Variants in KLF12 observed in about 807,000 individuals in gnomAD.
KLF12 encodes Krueppel-like factor 12.
A neutral mutation model predicts 37.8 loss-of-function variants in KLF12; 9 were observed. The ratio of observed to expected loss-of-function variants is 0.24; its 90% confidence interval spans 0.14 to 0.42. KLF12 has a LOEUF of 0.42. Among genes scored for constraint, KLF12 ranks in the 10% least tolerant of loss-of-function variants. The probability of loss-of-function intolerance (pLI) is 1.00; values close to 1 mark genes in which losing one functional copy is unlikely to be tolerated. For synonymous variants in KLF12, 208 were observed against 202.1 expected, an observed-to-expected ratio of 1.03 and a Z score of -0.25; for missense variants, 411 against 516.0, an observed-to-expected ratio of 0.80 and a Z score of 1.97.
chr13:73,977,246 T>C (rs1891554604), intron 2 of KLF12, among the ~76,000 whole-genome samples: 1 of 152,066 alleles, frequency 6.6e-6, no homozygotes, highest in African/African-American at 2.4e-5. Flanking sequence ...GGTTTCACCA[T>C]GTTGACCAAG....
chr13:73,898,115 T>C (rs1887873142), intron 3 of KLF12, among the ~76,000 whole-genome samples: 1 of 152,184 alleles, frequency 6.6e-6, no homozygotes, highest in South Asian at 2.1e-4. Context: ...TCACTTCCTC[T>C]AGGAGAGATT....
chr13:73,921,247 T>C (rs1889104872), intron 3 of KLF12, among the ~76,000 whole-genome samples: 1 of 152,106 alleles, frequency 6.6e-6, no homozygotes. Flanking sequence ...TACTGACCCA[T>C]AATCAACTTG....
chr13:73,923,181 T>C (rs908896053), intron 3 of KLF12, among the ~76,000 whole-genome samples: 1 of 152,200 alleles, frequency 6.6e-6, no homozygotes, highest in Non-Finnish European at 1.5e-5. Flanking sequence ...TAAAATAAAA[T>C]GTCAATGACT....
chr13:74,051,339 CAA>C (rs1491509334), intron 1 of KLF12, among the ~76,000 whole-genome samples: 3 of 99,488 alleles, frequency 3.0e-5, no homozygotes, highest in African/African-American at 1.2e-4. Flanking sequence ...CATACACACA[CAA>C]ACACACACAC....
At chr13:73,731,435 T>C (rs1877045365) in intron 6 of KLF12, among the ~76,000 whole-genome samples, 1 of 140,188 alleles carries the variant, frequency 7.1e-6, no homozygotes, top group Non-Finnish European at 1.5e-5. Flanking sequence ...ATGGATTTTA[T>C]AAAAGAAAGC....
chr13:73,898,355 A>G (rs1348235088), intron 3 of KLF12, among the ~76,000 whole-genome samples: 2 of 152,254 alleles, frequency 1.3e-5, no homozygotes, highest in African/African-American at 4.8e-5. Context: ...TTTCTTAAAG[A>G]AAACCTTATT....
chr13:74,146,378 A>G, the KLF12 span, among the ~76,000 whole-genome samples: 1 of 152,206 alleles, frequency 6.6e-6, no homozygotes, highest in Non-Finnish European at 1.5e-5. Flanking sequence ...CCACAGATCT[A>G]AAACAATATG....
chr13:73,865,137 C>T (rs1396688698), intron 3 of KLF12, among the ~76,000 whole-genome samples: 2 of 152,082 alleles, frequency 1.3e-5, no homozygotes, highest in Non-Finnish European at 2.9e-5. Context: ...TAACTTTGTG[C>T]TTTCTGTTAG....
intron 3 of KLF12, 98 bp from the exon 4 acceptor site, chr13:73,846,471 T>C (rs1228025711): frequency 4.5e-5 from 48 of 1,069,548 alleles, no homozygotes; most frequent in Non-Finnish European, 6.2e-5. Context: ...TTTTCTCTTA[T>C]TGCTATGGGA....
At chr13:74,185,723 T>C in the KLF12 span, among the ~76,000 whole-genome samples, 1 of 151,476 alleles carries the variant, frequency 6.6e-6, no homozygotes. Context: ...CTCGGCTCAC[T>C]GCAACCTCCA....
intron 1 of KLF12, among the ~76,000 whole-genome samples, chr13:74,057,254 G>A (rs918544717): frequency 2.0e-5 from 3 of 152,192 alleles, no homozygotes; most frequent in African/African-American, 7.2e-5. Flanking sequence ...GAAAAGGGCT[G>A]TGTTCCTGTG....
At chr13:73,915,639 A>G (rs1888786018) in intron 3 of KLF12, among the ~76,000 whole-genome samples, 1 of 150,138 alleles carries the variant, frequency 6.7e-6, no homozygotes, top group African/African-American at 2.5e-5. Context: ...CAGCCTCCCA[A>G]GTAGCTGGGA....
At chr13:74,147,242 C>T in the KLF12 span, among the ~76,000 whole-genome samples, 2 of 151,938 alleles carry the variant, frequency 1.3e-5, no homozygotes, top group Non-Finnish European at 2.9e-5. Flanking sequence ...CTGCAAGAGC[C>T]TCCCTTGGGG....
At chr13:73,917,268 A>C (rs918830411) in intron 3 of KLF12, among the ~76,000 whole-genome samples, 3 of 152,154 alleles carry the variant, frequency 2.0e-5, no homozygotes, top group Non-Finnish European at 4.4e-5. Context: ...ACAGGCACTT[A>C]CTATACTAAT....
the KLF12 span, among the ~76,000 whole-genome samples, chr13:74,302,500 A>G: frequency 6.6e-6 from 1 of 152,136 alleles, no homozygotes; most frequent in African/African-American, 2.4e-5. Context: ...AACTAAAGGA[A>G]TATTTATTGG....
chr13:74,011,716 T>C (rs1169325680), intron 1 of KLF12, among the ~76,000 whole-genome samples: 2 of 152,204 alleles, frequency 1.3e-5, no homozygotes, highest in Non-Finnish European at 2.9e-5. Flanking sequence ...GTAAAGTGTA[T>C]GGGAGGATAC....
intron 3 of KLF12, among the ~76,000 whole-genome samples, chr13:73,911,241 A>T (rs975855022): frequency 6.6e-6 from 1 of 152,154 alleles, no homozygotes; most frequent in African/African-American, 2.4e-5. Flanking sequence ...TATTAATAAA[A>T]TTTTTAAAAT....
At chr13:73,794,983 T>C (rs1250864851) in intron 5 of KLF12, among the ~76,000 whole-genome samples, 1 of 152,194 alleles carries the variant, frequency 6.6e-6, no homozygotes, top group East Asian at 1.9e-4. Context: ...TGTGCTCCTG[T>C]CTCCTAGATA....
intron 7 of KLF12, among the ~76,000 whole-genome samples, chr13:73,709,638 G>A (rs1358560698): frequency 1.3e-5 from 2 of 151,838 alleles, no homozygotes; most frequent in Non-Finnish European, 2.9e-5. Context: ...AATGTTATTT[G>A]ACTGATAATA....
Sources: allele counts gnomAD v4.1 joint callset (sites outside exome capture counted in the v4.1 genomes callset), GRCh38; gene constraint gnomAD v4.1.1; transcripts MANE v1.5; gene names NCBI Gene and HGNC (gene_info 2026-07-23, HGNC 2026-07-21).